The following ACLY variants were observed in gnomAD, a reference collection of about 807,000 sequenced individuals.
ACLY encodes the protein ATP citrate lyase.
In ACLY, 41 loss-of-function variants were observed where a neutral mutation model predicts 133.0. The ratio of observed to expected loss-of-function variants is 0.31; its 90% CI spans 0.24 to 0.40. The LOEUF is 0.40. Ranked by LOEUF, ACLY falls within the 10% of genes least tolerant of loss-of-function variation. The pLI is 1.00. For missense variants in ACLY, 1,046 were observed against 1,453.8 expected (o/e 0.72, Z 4.56); for synonymous variants, 495 against 549.3 (o/e 0.90, Z 1.38).
chr17:41,897,160 C>G (rs552834695), intron 13 of ACLY, among the ~76,000 whole-genome samples: 1 of 152,316 alleles, frequency 6.6e-6, no homozygotes, highest in Non-Finnish European at 1.5e-5. Context: ...CACAGGTATA[C>G]CAGCCCAGGG....
At chr17:41,878,692 G>A (rs1414369332) in intron 21 of ACLY, 105 bp downstream of exon 21, 7 of 1,414,700 alleles carry the variant, frequency 4.9e-6, no homozygotes, top group East Asian at 4.6e-5. Context: ...GCTAGACACC[G>A]AGAGGGACCA....
intron 1 of ACLY, among the ~76,000 whole-genome samples, chr17:41,917,544 C>T (rs2050082469): frequency 6.6e-6 from 1 of 152,126 alleles, no homozygotes; most frequent in Non-Finnish European, 1.5e-5. Flanking sequence ...CCCTGGGACA[C>T]AGCCAGGGGA....
chr17:41,892,366 C>A lies in ACLY; in HGVS notation c.1683G>T (p.Arg561Ser). ...TGAGCACATCTACCTCCGGATGCTT[C>A]CTCATGGCATCAGCCATGTTCTTGA... ...PVFKNMADAM[R>S]KHPEVDVLIN... Residue 561 changes from arginine (R) to serine (S), a missense_variant, in exon 16 of 29, where the codon AGG (arginine) becomes AGT (serine). Arg to Ser is a moderately radical substitution (Grantham distance 110, BLOSUM62 -1). Transcript: ENST00000352035. 6.2e-7 allele frequency: 1 copy of A among 1,613,566 alleles called. No homozygotes were observed. Among genetic ancestry groups the A allele is most frequent in the Non-Finnish European group, 8.5e-7 (1 of 1,179,850 alleles).
At chr17:41,912,682 AACT>A in intron 2 of ACLY, 140 bp from the exon 3 acceptor site, 1 of 1,080,278 alleles carries the variant, frequency 9.3e-7, no homozygotes, top group Non-Finnish European at 1.3e-6. Context: ...CTTCAGAGTC[AACT>A]CCTGGATGCT....
chr17:41,870,092 T>G (rs7217282), intron 25 of ACLY, among the ~76,000 whole-genome samples: 137,586 of 152,176 alleles, frequency 0.9, 62,336 homozygotes, highest in East Asian at 1. Flanking sequence ...ACCTGTCAGT[T>G]GGGGAGGAAG....
chr17:41,879,068 C>T, intron 20 of ACLY, 144 bp from the exon 21 acceptor site: 1 of 1,033,090 alleles, frequency 9.7e-7, no homozygotes, highest in Non-Finnish European at 1.4e-6. Flanking sequence ...AGATGATTTC[C>T]ATTTTACAGA....
At chr17:41,918,767 G>A in intron 1 of ACLY, 113 bp downstream of exon 1, 3 of 1,218,612 alleles carry the variant, frequency 2.5e-6, no homozygotes, top group Non-Finnish European at 3.2e-6. Flanking sequence ...TCCGAGCAGG[G>A]CGCGTGGGCA....
chr17:41,915,377 G>A (rs145473342), intron 1 of ACLY, among the ~76,000 whole-genome samples: 172 of 152,314 alleles, frequency 1.1e-3, no homozygotes, highest in African/African-American at 4.0e-3. Flanking sequence ...ATAAAGGAGG[G>A]CAGAGTGAAG....
upstream of ACLY, among the ~76,000 whole-genome samples, chr17:41,923,474 T>G (rs1442817096): frequency 6.6e-6 from 1 of 152,228 alleles, no homozygotes; most frequent in Non-Finnish European, 1.5e-5. Flanking sequence ...TTGCCTATGA[T>G]CAACTAACCT....
chr17:41,876,504 G>C (rs1205137905), intron 22 of ACLY, among the ~76,000 whole-genome samples: 2 of 152,254 alleles, frequency 1.3e-5, no homozygotes, highest in African/African-American at 4.8e-5. Flanking sequence ...TGAGAAATTG[G>C]ATGGTTGCCG....
At chr17:41,883,660 C>G (rs929260478) in intron 19 of ACLY, among the ~76,000 whole-genome samples, 2 of 145,552 alleles carry the variant, frequency 1.4e-5, no homozygotes, top group African/African-American at 5.1e-5. Flanking sequence ...TCTCTGTTCA[C>G]TGCAACCTCT....
Position 41,884,831 on chromosome 17 carries a change from AAAAC to A in ACLY, c.2073-561_2073-558del, listed in dbSNP as rs374544525. On this transcript the variant is annotated intron_variant, in intron 18 of 28. Coordinates refer to ENST00000352035, the MANE Select transcript of ACLY (RefSeq NM_001096.3). ...GAATTTTTTGATCGTCTCAAAAACA[AAAAC>A]AAACAAACAAACAAAAAAAACCTAA... 9.8e-4 allele frequency among the ~76,000 whole-genome samples: 149 copies of A among 152,290 alleles called. 1 individual carries two copies. The highest frequency in any genetic ancestry group is 3.1e-3 in the African/African-American group (127 of 41,560).
intron 9 of ACLY, 127 bp downstream of exon 9, chr17:41,905,395 G>C: frequency 7.8e-7 from 1 of 1,284,840 alleles, no homozygotes; most frequent in Non-Finnish European, 1.1e-6. Flanking sequence ...AAAGTTCAAT[G>C]ATTAGCCTCA....
intron 1 of ACLY, among the ~76,000 whole-genome samples, chr17:41,928,652 G>C (rs1048864966): frequency 4.0e-5 from 6 of 151,650 alleles, no homozygotes; most frequent in Non-Finnish European, 8.8e-5. Flanking sequence ...AGGAGTTCAA[G>C]ACCAGCCTGG....
At chr17:41,879,854 TACAGGCGTATGCCACC>T (rs2048870594) in intron 20 of ACLY, among the ~76,000 whole-genome samples, 1 of 151,516 alleles carries the variant, frequency 6.6e-6, no homozygotes, top group Non-Finnish European at 1.5e-5. Context: ...TAGCTGGGAC[TACAGGCGTATGCCACC>T]ACAGGTGTAT....
chr17:41,904,855 AT>A, intron 9 of ACLY, 65 bp from the exon 10 acceptor site: 1 of 1,490,978 alleles, frequency 6.7e-7, no homozygotes, highest in Non-Finnish European at 9.3e-7. Flanking sequence ...CTTCCCAGCA[AT>A]CCAACTGAGG....
chr17:41,867,916 C>T lies in ACLY; in HGVS notation c.3212-12G>A. 1.3e-6 allele frequency: 2 copies of T among 1,588,478 alleles called. No homozygotes were observed. Among genetic ancestry groups the T allele is most frequent in the Non-Finnish European group, 1.7e-6 (2 of 1,161,626 alleles). ...ATCAAGATAGTGTCCTAAAATGAAG[C>T]AAACACATCTTTTTTATTAGAGCTT... On this transcript the variant is annotated splice_polypyrimidine_tract_variant and intron_variant, in intron 28 of 28. Transcript: ENST00000352035.
intron 22 of ACLY, among the ~76,000 whole-genome samples, chr17:41,876,930 GA>G (rs1373463986): frequency 8.2e-4 from 116 of 141,164 alleles, no homozygotes; most frequent in Admixed American, 1.3e-3. Flanking sequence ...AATAAAAAAG[GA>G]AAAAAAAAAA....
intron 10 of ACLY, among the ~76,000 whole-genome samples, chr17:41,903,189 T>G (rs552710321): frequency 7.2e-5 from 11 of 152,336 alleles, no homozygotes; most frequent in African/African-American, 2.4e-4. Flanking sequence ...CACACTCTTT[T>G]GAATACACTC....
Sources: gnomAD v4.1 joint callset for allele counts (sites outside exome capture counted in the v4.1 genomes callset) on GRCh38, gnomAD v4.1.1 for gene constraint, MANE v1.5 for transcripts, NCBI Gene and HGNC (gene_info 2026-07-23, HGNC 2026-07-21) for gene names.